TBL1XR1: variants seen among roughly 807,000 people sequenced by gnomAD.
TBL1XR1 encodes the protein TBL1X/Y related 1.
TBL1XR1 carries 5 observed loss-of-function variants against 66.9 expected under a neutral mutation model. The observed-to-expected ratio is 0.07, with a 90% confidence interval of 0.04 to 0.16. TBL1XR1 has a LOEUF of 0.16. TBL1XR1 is among the 10% of genes least tolerant of loss of function. The pLI, the probability that TBL1XR1 is intolerant of heterozygous loss-of-function variation, is 1.00. For synonymous variants in TBL1XR1, 210 were observed against 206.0 expected, an observed-to-expected ratio of 1.02 and a Z score of -0.17; for missense variants, 238 against 623.2, an observed-to-expected ratio of 0.38 and a Z score of 6.58.
chr3:177,166,417 T>A (rs931102362), intron 1 of TBL1XR1, among the ~76,000 whole-genome samples: 9 of 152,170 alleles, frequency 5.9e-5, no homozygotes, highest in Non-Finnish European at 1.3e-4. Flanking sequence ...CATATACTGA[T>A]ATGGTTTGGC....
At chr3:177,069,037 A>G (rs1719530988) in intron 2 of TBL1XR1, among the ~76,000 whole-genome samples, 2 of 152,222 alleles carry the variant, frequency 1.3e-5, no homozygotes, top group South Asian at 4.1e-4. Context: ...GATGTAAATT[A>G]AAAATAACAT....
intron 1 of TBL1XR1, among the ~76,000 whole-genome samples, chr3:177,144,866 T>G (rs879256601): frequency 1.3e-5 from 2 of 152,386 alleles, no homozygotes; most frequent in African/African-American, 4.8e-5. Context: ...ATGTAATTTT[T>G]AACTTGTCAC....
Position 177,025,430 on chromosome 3 carries a change from T to C in TBL1XR1, c.*68A>G. 6.5e-7 allele frequency: 1 copy of C among 1,546,308 alleles called. No homozygotes were observed. The highest frequency in any genetic ancestry group is 1.1e-5 in the South Asian group (1 of 88,574). ...GTTCAAGTGGGACTATAGCAGTACA[T>C]GGGTCAGGGACAGTCATTTTGGCTA... On this transcript the variant is annotated 3_prime_UTR_variant, in exon 16 of 16. Transcript: ENST00000457928.
intron 2 of TBL1XR1, chr3:177,079,930 G>A (rs1038313573): frequency 4.6e-5 from 7 of 152,062 alleles, no homozygotes; most frequent in Admixed American, 1.3e-4. Flanking sequence ...CTAGTCCAAG[G>A]CCTCAGTTTC....
chr3:177,125,697 G>A (rs1727530850), intron 1 of TBL1XR1, among the ~76,000 whole-genome samples: 1 of 152,004 alleles, frequency 6.6e-6, no homozygotes, highest in Non-Finnish European at 1.5e-5. Context: ...TATACTTGAC[G>A]TGCCATGGAG....
At chr3:177,161,377 T>C (rs1321871066) in intron 1 of TBL1XR1, among the ~76,000 whole-genome samples, 2 of 152,208 alleles carry the variant, frequency 1.3e-5, no homozygotes, top group East Asian at 1.9e-4. Flanking sequence ...CCCACACATA[T>C]CTCACATTTT....
chr3:177,194,456 T>A (rs2109020087), intron 1 of TBL1XR1, among the ~76,000 whole-genome samples: 1 of 152,346 alleles, frequency 6.6e-6, no homozygotes, highest in Non-Finnish European at 1.5e-5. Flanking sequence ...TCTTTTTATA[T>A]AAATGACACC....
intron 1 of TBL1XR1, among the ~76,000 whole-genome samples, chr3:177,145,476 A>G (rs1317777161): frequency 1.3e-5 from 2 of 152,200 alleles, no homozygotes; most frequent in East Asian, 3.9e-4. Flanking sequence ...ACAGCCTCTC[A>G]AAGTTCGCAG....
At chr3:177,136,909 T>C (rs1195232121) in intron 1 of TBL1XR1, among the ~76,000 whole-genome samples, 1 of 152,252 alleles carries the variant, frequency 6.6e-6, no homozygotes, top group African/African-American at 2.4e-5. Context: ...TTATGAGTTT[T>C]CTGACCGTTG....
chr3:177,102,946 G>C (rs1724408246), intron 1 of TBL1XR1, among the ~76,000 whole-genome samples: 1 of 152,056 alleles, frequency 6.6e-6, no homozygotes, highest in Non-Finnish European at 1.5e-5. Context: ...TAGAGACCCA[G>C]GACTGATTTA....
At chr3:177,166,435 T>G (rs2108907452) in intron 1 of TBL1XR1, among the ~76,000 whole-genome samples, 1 of 152,292 alleles carries the variant, frequency 6.6e-6, no homozygotes, top group Admixed American at 6.5e-5. Flanking sequence ...GGCTTTGTGT[T>G]CCCATTCAAA....
chr3:177,134,607 C>T (rs1728681900), intron 1 of TBL1XR1, among the ~76,000 whole-genome samples: 1 of 152,148 alleles, frequency 6.6e-6, no homozygotes, highest in Admixed American at 6.5e-5. Flanking sequence ...GTCTTTCCCC[C>T]TTATGTTTCC....
At chr3:177,093,204 C>T (rs1577141731) in intron 2 of TBL1XR1, among the ~76,000 whole-genome samples, 1 of 152,084 alleles carries the variant, frequency 6.6e-6, no homozygotes, top group African/African-American at 2.4e-5. Flanking sequence ...GAACTCAAAC[C>T]CTTTTACAGC....
chr3:177,161,985 T>G (rs1197744248), intron 1 of TBL1XR1, among the ~76,000 whole-genome samples: 1 of 152,094 alleles, frequency 6.6e-6, no homozygotes, highest in Non-Finnish European at 1.5e-5. Context: ...ACAGAGCAAC[T>G]AGAACTTACA....
intron 1 of TBL1XR1, among the ~76,000 whole-genome samples, chr3:177,153,044 G>C (rs1279606113): frequency 1.3e-5 from 2 of 152,134 alleles, no homozygotes; most frequent in African/African-American, 4.8e-5. Context: ...GGAAGGCTGA[G>C]GCACGAGAAT....
intron 14 of TBL1XR1, among the ~76,000 whole-genome samples, chr3:177,028,258 C>G (rs1002661568): frequency 2.0e-5 from 3 of 152,140 alleles, no homozygotes; most frequent in African/African-American, 7.2e-5. Flanking sequence ...TGATTTTCTC[C>G]TGCACTGAAA....
chr3:177,069,797 G>GAAGGA (rs1553824741), intron 2 of TBL1XR1, among the ~76,000 whole-genome samples: 4,698 of 69,338 alleles, frequency 0.068, 117 homozygotes, highest in East Asian at 0.22. Context: ...GGAAGGAAAG[G>GAAGGA]AAGGAAGGAA....
intron 1 of TBL1XR1, among the ~76,000 whole-genome samples, chr3:177,167,363 T>C (rs966091548): frequency 6.6e-6 from 1 of 152,086 alleles, no homozygotes; most frequent in South Asian, 2.1e-4. Context: ...GCACAAAAAA[T>C]GTTTAGGGCA....
chr3:177,112,093 A>T (rs1560188498), intron 1 of TBL1XR1, among the ~76,000 whole-genome samples: 2 of 49,672 alleles, frequency 4.0e-5, no homozygotes, highest in East Asian at 1.6e-3. Context: ...ATATATATAT[A>T]TATATATATA....
Sources: allele counts gnomAD v4.1 joint callset (sites outside exome capture counted in the v4.1 genomes callset), GRCh38; gene constraint gnomAD v4.1.1; transcripts MANE v1.5; gene names NCBI Gene and HGNC (gene_info 2026-07-23, HGNC 2026-07-21).